SGK1: variants seen among roughly 807,000 people sequenced by gnomAD.
SGK1 encodes serum/glucocorticoid regulated kinase 1, also known as serine/threonine-protein kinase Sgk1.
In SGK1, 26 loss-of-function variants were observed where a neutral mutation model predicts 64.2. The observed-to-expected ratio is 0.40, with a 90% confidence interval of 0.30 to 0.56. The LOEUF (loss-of-function observed/expected upper bound fraction) is 0.56, where lower values mean the gene tolerates loss of function less well. SGK1 is among the 20% of genes least tolerant of loss of function. SGK1 has a pLI of 0.38. For missense variants in SGK1, 519 were observed against 645.6 expected, an observed-to-expected ratio of 0.80 and a Z score of 2.12; for synonymous variants, 265 against 239.7, an observed-to-expected ratio of 1.11 and a Z score of -0.98.
At chr6:134,220,832 AT>A (rs139382779) in intron 2 of SGK1, among the ~76,000 whole-genome samples, 21,963 of 151,982 alleles carry the variant, frequency 0.14, 2,183 homozygotes, top group African/African-American at 0.25. Flanking sequence ...AAATACAAAA[AT>A]TAGTCAGGCA....
intron 2 of SGK1, among the ~76,000 whole-genome samples, chr6:134,253,929 C>G (rs1776642507): frequency 6.6e-6 from 1 of 152,080 alleles, no homozygotes; most frequent in Non-Finnish European, 1.5e-5. Context: ...AAGCTGCCTT[C>G]AATTGAAAGA....
Position 134,232,413 on chromosome 6 carries a change from G to GAGAAAGAAAGAAAGAAAGAAAGAAAGAA in SGK1, c.286-25010_286-24983dup, listed in dbSNP as rs775588688. On this transcript the variant is annotated intron_variant, in intron 2 of 13. Transcript: ENST00000367858. ...AAAAGAAAGAAGAAAAAGAAAGAAA[G>GAGAAAGAAAGAAAGAAAGAAAGAAAGAA]AGAAAGAAAGAAAGAAAGAAAGAAA... Among the ~76,000 whole-genome samples, 151 of 47,678 alleles carry GAGAAAGAAAGAAAGAAAGAAAGAAAGAA rather than the reference G, an allele frequency of 3.2e-3. 1 individual carries two copies. The highest frequency in any genetic ancestry group is 4.2e-3 in the Non-Finnish European group (101 of 23,966). The allele number at this position is 47,678 out of a possible 152,430, so 31.3% of individuals were successfully genotyped here. A position where few individuals can be genotyped will look rare whatever the true frequency, so the allele number is the denominator to read the frequency against.
At chr6:134,214,579 CA>C (rs10580443) in intron 2 of SGK1, among the ~76,000 whole-genome samples, 41,376 of 146,094 alleles carry the variant, frequency 0.28, 6,456 homozygotes, top group African/African-American at 0.45. Flanking sequence ...TACGCTGTCT[CA>C]AAAAAAAAAA....
chr6:134,244,132 C>A (rs1410006488), intron 2 of SGK1, among the ~76,000 whole-genome samples: 1 of 152,050 alleles, frequency 6.6e-6, no homozygotes, highest in East Asian at 1.9e-4. Context: ...CCCACCCCAC[C>A]CCCTGACAGG....
chr6:134,264,341 G>A (rs546636710), intron 1 of SGK1, among the ~76,000 whole-genome samples: 76 of 151,942 alleles, frequency 5.0e-4, no homozygotes, highest in Middle Eastern at 3.4e-3. Context: ...GGATGGTCTC[G>A]ATCTCCTGAC....
chr6:134,268,123 C>T lies in SGK1; in HGVS notation c.70-5975G>A, dbSNP rs1175711593. On this transcript the variant is annotated intron_variant, in intron 1 of 13. Transcript: ENST00000367858. Reference sequence around the variant, plus strand: ...TTCAAAACTGCTGAGTAGAGAAATCCTCCCACGGCCCCTCGGGGAATTCAA... The same window carrying T: ...TTCAAAACTGCTGAGTAGAGAAATCTTCCCACGGCCCCTCGGGGAATTCAA... Among the ~76,000 whole-genome samples, 3 of 152,204 alleles carry T rather than the reference C, an allele frequency of 2.0e-5. No homozygotes were observed. In the East Asian group the frequency reaches 5.8e-4, roughly 29 times the overall value.
At chr6:134,181,710 C>T (rs1430195418) in intron 3 of SGK1, among the ~76,000 whole-genome samples, 1 of 152,110 alleles carries the variant, frequency 6.6e-6, no homozygotes, top group Non-Finnish European at 1.5e-5. Context: ...CGGGCCACCC[C>T]TAAGGACTTA....
intron 2 of SGK1, 79 bp downstream of exon 2, chr6:134,261,854 A>T: frequency 9.8e-7 from 1 of 1,018,340 alleles, no homozygotes. Context: ...TTTTTTGGGT[A>T]TACTCTGGCA....
chr6:134,235,998 T>A (rs1259547220), intron 2 of SGK1, among the ~76,000 whole-genome samples: 1 of 152,112 alleles, frequency 6.6e-6, no homozygotes, highest in Non-Finnish European at 1.5e-5. Context: ...AGAGTTTAGG[T>A]CAGCCCTGAT....
chr6:134,184,316 G>T (rs1479965504), intron 3 of SGK1, among the ~76,000 whole-genome samples: 1 of 151,696 alleles, frequency 6.6e-6, no homozygotes, highest in Non-Finnish European at 1.5e-5. Context: ...GGCCAACATG[G>T]TGAAACCCCG....
intron 2 of SGK1, among the ~76,000 whole-genome samples, chr6:134,227,857 T>TATACTTTAA (rs1345257141): frequency 1.7e-3 from 259 of 151,960 alleles, no homozygotes; most frequent in African/African-American, 5.8e-3. Flanking sequence ...ATTTGAAAAT[T>TATACTTTAA]ATACTTTAAA....
intron 3 of SGK1, among the ~76,000 whole-genome samples, chr6:134,183,581 G>A (rs1237101070): frequency 6.6e-6 from 1 of 152,182 alleles, no homozygotes; most frequent in African/African-American, 2.4e-5. Context: ...TGAGCTTATA[G>A]ACATTTCTGA....
intron 2 of SGK1, among the ~76,000 whole-genome samples, chr6:134,209,332 C>A (rs895321252): frequency 1.3e-5 from 2 of 151,972 alleles, no homozygotes; most frequent in Non-Finnish European, 2.9e-5. Context: ...TACTCAGGAA[C>A]CTGAGGCAGG....
At chr6:134,194,466 GA>G (rs967403413) in intron 3 of SGK1, among the ~76,000 whole-genome samples, 5 of 151,966 alleles carry the variant, frequency 3.3e-5, no homozygotes, top group Non-Finnish European at 7.4e-5. Flanking sequence ...TGCTTGATTG[GA>G]GAATCATTCT....
rs940186280 is a variant in SGK1, at chr6:134,269,312, T to C, written c.70-7164A>G. On this transcript the variant is annotated intron_variant, in intron 1 of 13. Transcript: ENST00000367858. ...TTTAATTATAGAGAACTGACTTTGCTTACTTGACGCCTCAATAACTTTCAA... is the reference window on the plus strand; with the variant it reads ...TTTAATTATAGAGAACTGACTTTGCCTACTTGACGCCTCAATAACTTTCAA... Among the ~76,000 whole-genome samples the C allele has an allele frequency of 2.0e-5, 3 of 147,140 alleles. 1 individual carries two copies. The highest frequency in any genetic ancestry group is 3.0e-5 in the Non-Finnish European group (2 of 66,512).
intron 1 of SGK1, among the ~76,000 whole-genome samples, chr6:134,280,740 T>G (rs993599057): frequency 1.3e-5 from 2 of 152,184 alleles, no homozygotes; most frequent in African/African-American, 4.8e-5. Flanking sequence ...TAATTGAAAG[T>G]GTGTGCCTGT....
chr6:134,225,722 T>G (rs991141844), intron 2 of SGK1, among the ~76,000 whole-genome samples: 1 of 152,082 alleles, frequency 6.6e-6, no homozygotes, highest in African/African-American at 2.4e-5. Flanking sequence ...CAAGTTAGCC[T>G]TTAAAATCTT....
At chr6:134,228,690 T>C (rs969981610) in intron 2 of SGK1, among the ~76,000 whole-genome samples, 5 of 152,222 alleles carry the variant, frequency 3.3e-5, no homozygotes. Context: ...AAGTTATTAC[T>C]GGGCTCTGCG....
rs764716618 is a variant in SGK1 at position 134,261,888 on chromosome 6, C to G, written c.285+45G>C. 2.2e-5 allele frequency: 32 copies of G among 1,436,044 alleles called. No homozygotes were observed. The Admixed American group carries it at 5.4e-4, about 24-fold the overall frequency. The allele number at this position is 1,436,044 out of a possible 1,614,324, so 89.0% of individuals were successfully genotyped here. ...CAGAAATACAAGAAAAACAAAGGCC[C>G]AGAATTTTTCCAGGAGAATAGATCC... On this transcript the variant is annotated intron_variant, in intron 2 of 13. Coordinates refer to ENST00000367858, the MANE Select transcript of SGK1 (RefSeq NM_001143676.3).
Sources: allele counts gnomAD v4.1 joint callset (sites outside exome capture counted in the v4.1 genomes callset), GRCh38; gene constraint gnomAD v4.1.1; transcripts MANE v1.5; gene names NCBI Gene and HGNC (gene_info 2026-07-23, HGNC 2026-07-21).